Variants in MGAT4C observed in about 807,000 individuals in gnomAD.
The protein encoded by MGAT4C is MGAT4 family member C, also known as alpha-1,3-mannosyl-glycoprotein 4-beta-N-acetylglucosaminyltransferase C.
In MGAT4C, 19 loss-of-function variants were observed where a neutral mutation model predicts 40.1. That is an observed-to-expected ratio of 0.47 (90% CI 0.33 to 0.70). The LOEUF (loss-of-function observed/expected upper bound fraction) is 0.70. Among genes scored for constraint, MGAT4C ranks in the 30% least tolerant of loss-of-function variants. The pLI is 0.02. For missense variants in MGAT4C, 491 were observed against 563.2 expected (o/e 0.87, Z 1.30); for synonymous variants, 181 against 187.1 (o/e 0.97, Z 0.27).
chr12:86,196,824 C>A (rs1485235526), intron 1 of MGAT4C, among the ~76,000 whole-genome samples: 1 of 152,130 alleles, frequency 6.6e-6, no homozygotes, highest in Non-Finnish European at 1.5e-5. Context: ...ATGCTTTCCA[C>A]TTTTTGCAAC....
chr12:86,206,148 GAATTAATTA>G (rs1854543737), intron 1 of MGAT4C, among the ~76,000 whole-genome samples: 1 of 152,040 alleles, frequency 6.6e-6, no homozygotes, highest in South Asian at 2.1e-4. Context: ...GATGGGATCT[GAATTAATTA>G]ATGTAAATTC....
chr12:86,637,442 A>T (rs2136514686), intron 2 of MGAT4C, among the ~76,000 whole-genome samples: 1 of 152,078 alleles, frequency 6.6e-6, no homozygotes, highest in Non-Finnish European at 1.5e-5. Flanking sequence ...GGATTATTTT[A>T]ATGTTTGAGT....
chr12:86,702,463 G>C (rs1041904032), intron 2 of MGAT4C, among the ~76,000 whole-genome samples: 1 of 152,118 alleles, frequency 6.6e-6, no homozygotes, highest in African/African-American at 2.4e-5. Flanking sequence ...AGGCTGGGCT[G>C]ACTCTCTTGT....
chr12:86,384,455 T>A (rs1482174012), intron 3 of MGAT4C, among the ~76,000 whole-genome samples: 1 of 152,186 alleles, frequency 6.6e-6, no homozygotes, highest in Non-Finnish European at 1.5e-5. Flanking sequence ...GTGTTCAGGA[T>A]TGTGACTTTG....
intron 2 of MGAT4C, among the ~76,000 whole-genome samples, chr12:86,551,025 C>A (rs1959331457): frequency 6.6e-6 from 1 of 152,124 alleles, no homozygotes; most frequent in Non-Finnish European, 1.5e-5. Flanking sequence ...CAGTCACGTG[C>A]CCACATCTCA....
intron 2 of MGAT4C, among the ~76,000 whole-genome samples, chr12:86,031,495 T>C (rs1565884278): frequency 1.3e-5 from 2 of 151,820 alleles, no homozygotes; most frequent in Non-Finnish European, 2.9e-5. Flanking sequence ...AGATTATGAA[T>C]ATGTATGAAT....
chr12:86,120,369 T>C (rs911118480), intron 1 of MGAT4C, among the ~76,000 whole-genome samples: 13 of 152,100 alleles, frequency 8.5e-5, no homozygotes, highest in African/African-American at 3.1e-4. Flanking sequence ...AACTTCCCAG[T>C]CTGACAGCTT....
At chr12:86,366,561 G>A (rs1182204364) in intron 3 of MGAT4C, among the ~76,000 whole-genome samples, 1 of 152,106 alleles carries the variant, frequency 6.6e-6, no homozygotes, top group African/African-American at 2.4e-5. Context: ...AGACACTGGG[G>A]ACTACTAGGA....
chr12:86,647,007 G>A (rs1368616446), intron 2 of MGAT4C, among the ~76,000 whole-genome samples: 1 of 151,842 alleles, frequency 6.6e-6, no homozygotes, highest in Non-Finnish European at 1.5e-5. Context: ...TGCTTGGCCA[G>A]TCTTGCTGTT....
intron 2 of MGAT4C, among the ~76,000 whole-genome samples, chr12:86,539,178 C>A (rs1959130403): frequency 6.6e-6 from 1 of 151,096 alleles, no homozygotes; most frequent in Non-Finnish European, 1.5e-5. Flanking sequence ...TTCCCCCTCC[C>A]CCGACCCCAC....
Position 85,977,001 on chromosome 12 carries a change from G to T in MGAT4C, c.*2288C>A, listed in dbSNP as rs952556825. 2.6e-5 allele frequency: 4 copies of T among 151,118 alleles called. No individual in the cohort carries two copies. The highest frequency in any genetic ancestry group is 9.7e-5 in the African/African-American group (4 of 41,330). 9.4% of individuals were successfully genotyped at this position (151,118 alleles called of 1,614,324 possible). On this transcript the variant is annotated 3_prime_UTR_variant, in exon 5 of 5. Transcript: ENST00000611864. ...TGTAAAGAAAACATAGAGGATCCTT[G>T]GATGATTGACCAACTTATCCAAACA...
At chr12:86,428,383 G>GA (rs1956972596) in intron 3 of MGAT4C, among the ~76,000 whole-genome samples, 1 of 152,082 alleles carries the variant, frequency 6.6e-6, no homozygotes. Flanking sequence ...TAATAGAAAA[G>GA]AATCTCTGAA....
chr12:86,008,939 T>C (rs937537824), intron 2 of MGAT4C, among the ~76,000 whole-genome samples: 97 of 152,040 alleles, frequency 6.4e-4, no homozygotes, highest in African/African-American at 2.1e-3. Context: ...AATAGAAGTA[T>C]ACATTAAATA....
At chr12:86,249,357 T>A (rs1470439857) in intron 1 of MGAT4C, among the ~76,000 whole-genome samples, 1 of 152,198 alleles carries the variant, frequency 6.6e-6, no homozygotes, top group Admixed American at 6.5e-5. Context: ...AATAACTTAA[T>A]AGATTGATAT....
chr12:86,448,835 A>G (rs1957380329), intron 2 of MGAT4C, among the ~76,000 whole-genome samples: 1 of 152,210 alleles, frequency 6.6e-6, no homozygotes, highest in Non-Finnish European at 1.5e-5. Flanking sequence ...GAATGTTAAA[A>G]CATACATTTC....
intron 1 of MGAT4C, among the ~76,000 whole-genome samples, chr12:86,063,051 G>A (rs1294496257): frequency 2.6e-5 from 4 of 152,096 alleles, no homozygotes; most frequent in Non-Finnish European, 4.4e-5. Context: ...TTCAAGAAGA[G>A]CAACCCCAAG....
At chr12:86,446,747 T>C (rs781290881) in intron 2 of MGAT4C, among the ~76,000 whole-genome samples, 7 of 134,150 alleles carry the variant, frequency 5.2e-5, no homozygotes, top group African/African-American at 8.3e-5. Flanking sequence ...ATTTCACAAT[T>C]GCAATGAAAC....
chr12:86,162,186 C>A (rs374203172), intron 1 of MGAT4C, among the ~76,000 whole-genome samples: 24 of 152,264 alleles, frequency 1.6e-4, no homozygotes, highest in African/African-American at 5.8e-4. Context: ...CAAAAAGACA[C>A]ATGCACTCAC....
intron 2 of MGAT4C, among the ~76,000 whole-genome samples, chr12:86,688,927 T>A (rs962769912): frequency 6.6e-6 from 1 of 152,214 alleles, no homozygotes; most frequent in African/African-American, 2.4e-5. Context: ...CTGGATAATA[T>A]CCTGAAGTGT....
Sources: gnomAD v4.1 joint callset for allele counts (sites outside exome capture counted in the v4.1 genomes callset) on GRCh38, gnomAD v4.1.1 for gene constraint, MANE v1.5 for transcripts, NCBI Gene and HGNC (gene_info 2026-07-23, HGNC 2026-07-21) for gene names.